Variants in EPRS1 observed in about 807,000 individuals in gnomAD.
The protein encoded by EPRS1 is bifunctional glutamate/proline--tRNA ligase.
In EPRS1, 107 loss-of-function variants were observed where a neutral mutation model predicts 188.3. The ratio of observed to expected loss-of-function variants is 0.57; its 90% CI spans 0.49 to 0.67. EPRS1 has a LOEUF of 0.67. EPRS1 is among the 30% of genes least tolerant of loss of function. EPRS1 has a pLI of 0.00. For missense variants in EPRS1, 1,577 were observed against 1,802.2 expected (o/e 0.88, Z 2.26); for synonymous variants, 596 against 593.1 (o/e 1.00, Z -0.07).
In EPRS1 at chr1:220,046,363, T is replaced by G. The variant is rs763158852; in HGVS notation, c.26A>C (p.Asn9Thr). Residue 9 changes from asparagine (N) to threonine (T), a missense_variant, in exon 1 of 32, where the codon AAT becomes ACT. By Grantham distance (65) the Asn-to-Thr change is moderately conservative. This residue lies in a region of EPRS1 where 1,278 missense variants were observed against 1,457.4 expected (regional missense o/e 0.88). Transcript: ENST00000366923. Reference protein sequence around the residue: MATLSLTVNSGDPPLGALL... With the variant: MATLSLTVTSGDPPLGALL... Reference sequence around the variant, plus strand: ...CTTACCTAGCGGAGGGTCTCCTGAATTCACGGTCAGAGAGAGCGTCGCCAT... The same window carrying G: ...CTTACCTAGCGGAGGGTCTCCTGAAGTCACGGTCAGAGAGAGCGTCGCCAT... The G allele has an allele frequency of 1.2e-6, 2 of 1,614,072 alleles. No homozygotes were observed. The highest frequency in any genetic ancestry group is 1.7e-6 in the Non-Finnish European group (2 of 1,179,986).
At position 220,022,506 on chromosome 1, in the gene EPRS1, T is replaced by G. The variant is rs1571690128; in HGVS notation, c.956A>C (p.Asn319Thr). The G allele has an allele frequency of 6.2e-7, 1 of 1,611,954 alleles. No homozygotes were observed. The highest frequency in any genetic ancestry group is 2.2e-5 in the East Asian group (1 of 44,830). Reference protein sequence around the residue: ...SKHRKNPIEKNLQMWEEMKKG... With the variant: ...SKHRKNPIEKTLQMWEEMKKG... ...TTTCATTTCTTCCCACATTTGTAGA[T>G]TCTTCTCAATAGCTATAAAATGATA... Residue 319 changes from asparagine to threonine, a missense_variant, in exon 9 of 32, where the codon AAT becomes ACT. Coordinates refer to ENST00000366923, the MANE Select transcript of EPRS1 (RefSeq NM_004446.3).
intron 18 of EPRS1, among the ~76,000 whole-genome samples, chr1:219,993,909 C>T (rs1225094938): frequency 2.6e-5 from 4 of 152,198 alleles, no homozygotes; most frequent in East Asian, 1.9e-4. Context: ...TATTTTTGTA[C>T]ATGGCTCTTG....
Position 220,018,991 on chromosome 1 carries a change from G to A in EPRS1, c.1434+4C>T, listed in dbSNP as rs376373092. The A allele has an allele frequency of 1.8e-5, 28 of 1,597,104 alleles. No homozygotes were observed. The highest frequency in any genetic ancestry group is 2.2e-5 in the South Asian group (2 of 90,680). On this transcript the variant is annotated splice_donor_region_variant and intron_variant, in intron 11 of 31. Coordinates refer to ENST00000366923, the MANE Select transcript of EPRS1 (RefSeq NM_004446.3). ...GACAAGCTGGAAAAGAAACTGTAAC[G>A]CACCTGAGCAGCAATAAACTGTTTC...
At chr1:219,992,712 A>G (rs1661147536) in intron 18 of EPRS1, among the ~76,000 whole-genome samples, 1 of 152,240 alleles carries the variant, frequency 6.6e-6, no homozygotes, top group South Asian at 2.1e-4. Flanking sequence ...GGATCACCTG[A>G]GGTCAGGAGT....
intron 23 of EPRS1, among the ~76,000 whole-genome samples, chr1:219,982,356 T>C (rs902288623): frequency 6.6e-6 from 1 of 152,126 alleles, no homozygotes; most frequent in African/African-American, 2.4e-5. Flanking sequence ...TAACACGAGA[T>C]GACGTAAAAG....
chr1:220,005,739 G>A (rs1437658142), intron 15 of EPRS1, among the ~76,000 whole-genome samples: 1 of 149,980 alleles, frequency 6.7e-6, no homozygotes, highest in African/African-American at 2.5e-5. Flanking sequence ...ACTATTTACT[G>A]TTTGTCCTCA....
At position 219,982,759 on chromosome 1, in the gene EPRS1, T is replaced by C. The variant is rs762878155; in HGVS notation, c.3373+13A>G. The C allele has an allele frequency of 1.2e-5, 20 of 1,611,866 alleles. No homozygotes were observed. The highest frequency in any genetic ancestry group is 1.6e-5 in the Non-Finnish European group (19 of 1,178,020). The stretch of plus-strand genomic sequence containing the variant: ...CAGTGAGCATTCTCTTGCACTCCAA[T>C]GCCTATTCTCACCTGTTTCACTAGT... On this transcript the variant is annotated intron_variant, in intron 23 of 31. Coordinates refer to ENST00000366923, the MANE Select transcript of EPRS1 (RefSeq NM_004446.3).
Position 220,022,606 on chromosome 1 carries a change from G to A in EPRS1, c.944-88C>T, listed in dbSNP as rs1661899039. ...GCTATAATTTGATATAAATTTTCAT[G>A]TTCTTGTTTTATAACCACCCTGTGT... On this transcript the variant is annotated intron_variant, in intron 8 of 31. Coordinates refer to ENST00000366923, the MANE Select transcript of EPRS1 (RefSeq NM_004446.3). 4 of 1,145,088 alleles carry A rather than the reference G, an allele frequency of 3.5e-6. No individual in the cohort carries two copies. In the East Asian group the frequency reaches 7.4e-5, roughly 21 times the overall value. The allele number at this position is 1,145,088 out of a possible 1,614,324, so 70.9% of individuals were successfully genotyped here.
intron 18 of EPRS1, among the ~76,000 whole-genome samples, 176 bp downstream of exon 18, chr1:219,996,807 T>C (rs1196100314): frequency 6.6e-6 from 1 of 152,152 alleles, no homozygotes; most frequent in East Asian, 1.9e-4. Flanking sequence ...ACCCCTCCAC[T>C]AGATTATGAG....
chr1:219,974,069 G>A (rs915115564), intron 28 of EPRS1, among the ~76,000 whole-genome samples: 14 of 151,900 alleles, frequency 9.2e-5, no homozygotes, highest in African/African-American at 1.7e-4. Flanking sequence ...TCAGCCTCCC[G>A]AGTAGCTGGG....
chr1:219,990,849 T>C (rs563142498), intron 18 of EPRS1, among the ~76,000 whole-genome samples: 1 of 152,286 alleles, frequency 6.6e-6, no homozygotes, highest in Admixed American at 6.5e-5. Context: ...TATGATTTAG[T>C]ACAATATCAT....
chr1:220,018,850 T>TAAA, intron 11 of EPRS1, 145 bp downstream of exon 11: 2 of 357,186 alleles, frequency 5.6e-6, no homozygotes, highest in Non-Finnish European at 9.5e-6. Flanking sequence ...AAGTTTGTTT[T>TAAA]AAAAAAAAAA....
intron 28 of EPRS1, among the ~76,000 whole-genome samples, chr1:219,977,965 ATGT>A (rs1354103360): frequency 6.6e-6 from 1 of 152,194 alleles, no homozygotes; most frequent in Non-Finnish European, 1.5e-5. Context: ...TAAGAAAAAA[ATGT>A]TGTAAGTTTA....
In EPRS1 at chr1:220,022,377, T is replaced by C. The variant is rs1378293527; in HGVS notation, c.1085A>G (p.Gln362Arg). The change falls in exon 9 of 32, where the codon CAA (glutamine) becomes CGA (arginine). Residue 362 changes from glutamine to arginine, a missense_variant. Gln to Arg is a conservative substitution (Grantham distance 43, BLOSUM62 1). Coordinates refer to ENST00000366923, the MANE Select transcript of EPRS1 (RefSeq NM_004446.3). ...TTTATTTCCAGTTCTTGGATGTGGT[T>C]GAATTTTGCAGCGATAAAGGGTTGG... Reference protein sequence around the residue: ...RDPTLYRCKIQPHPRTGNKYN... With the variant: ...RDPTLYRCKIRPHPRTGNKYN... The C allele has an allele frequency of 6.2e-7, 1 of 1,613,560 alleles. No individual in the cohort carries two copies.
At position 220,030,384 on chromosome 1, in the gene EPRS1, AC is replaced by A. The variant is rs1432572688; in HGVS notation, c.623+1del. On this transcript the variant is annotated splice_donor_variant, in intron 6 of 31. Transcript: ENST00000366923. LOFTEE classifies it high-confidence loss of function. ...TTATAAATGTGAGTTACATTTTCTTACCCACTGGCCTCTGGAGGAAATCTGA... is the reference window on the plus strand; with the variant it reads ...TTATAAATGTGAGTTACATTTTCTTACCACTGGCCTCTGGAGGAAATCTGA... 1.9e-6 allele frequency: 3 copies of A among 1,600,950 alleles called. No individual in the cohort carries two copies. The highest frequency in any genetic ancestry group is 1.7e-6 in the Non-Finnish European group (2 of 1,168,246).
At chr1:220,007,408 C>A (rs1250945514) in intron 13 of EPRS1, 70 bp from the exon 14 acceptor site, 6 of 1,455,606 alleles carry the variant, frequency 4.1e-6, no homozygotes, top group Non-Finnish European at 5.7e-6. Flanking sequence ...CAAATTTATA[C>A]ATTCATTCTA....
At position 220,007,190 on chromosome 1, in the gene EPRS1, A is replaced by C; in HGVS notation, c.1742+12T>G. The stretch of plus-strand genomic sequence containing the variant: ...TCCTATGTTTATTTGAAAACAAACA[A>C]AAAGTTCTTACTTGTGTATTTTTGT... On this transcript the variant is annotated intron_variant, in intron 14 of 31. Transcript: ENST00000366923. 15 of 1,599,660 alleles carry C rather than the reference A, an allele frequency of 9.4e-6. No homozygotes were observed. Among genetic ancestry groups the C allele is most frequent in the Non-Finnish European group, 1.3e-5 (15 of 1,173,818 alleles).
chr1:220,007,298 T>A lies in EPRS1; in HGVS notation c.1646A>T (p.Lys549Ile), dbSNP rs145251923. The A allele has an allele frequency of 3.1e-5, 50 of 1,614,010 alleles. No homozygotes were observed. Among genetic ancestry groups the A allele is most frequent in the Non-Finnish European group, 4.1e-5 (48 of 1,179,930 alleles). The change falls in exon 14 of 32, where the codon AAA becomes ATA. Residue 549 changes from lysine to isoleucine, a missense_variant. Lys to Ile is a moderately radical substitution (Grantham distance 102). Around this residue, in one of 3 missense-constraint regions of EPRS1, gnomAD observed 1,278 missense variants for 1,457.4 expected, o/e 0.88. Coordinates refer to ENST00000366923, the MANE Select transcript of EPRS1 (RefSeq NM_004446.3). ...TGCATCAGCACCTTCAATGAAAACT[T>A]TGGGACTATACCACACAGGCTTCAA... The part of the protein sequence containing the change: ...VGLKPVWYSP[K>I]VFIEGADAET...
chr1:219,989,478 T>C lies in EPRS1; in HGVS notation c.2542-655A>G, dbSNP rs1460993440. On this transcript the variant is annotated intron_variant, in intron 18 of 31. Transcript: ENST00000366923. ...CTGGACACCTTACCTGAAATGGTGC[T>C]ACTATCTCACCACAAACCAGTGTAC... 4.6e-5 allele frequency among the ~76,000 whole-genome samples: 7 copies of C among 151,346 alleles called. No homozygotes were observed. The Admixed American group carries it at 4.6e-4, about 10-fold the overall frequency.
Sources: allele counts gnomAD v4.1 joint callset (sites outside exome capture counted in the v4.1 genomes callset), GRCh38; gene constraint gnomAD v4.1.1; regional missense constraint gnomAD v4.1.1; transcripts MANE v1.5; gene names NCBI Gene and HGNC (gene_info 2026-07-23, HGNC 2026-07-21).